Variants in RALY observed in about 807,000 individuals in gnomAD.
RALY encodes the protein RNA-binding protein Raly.
In RALY, 15 loss-of-function variants were observed where a neutral mutation model predicts 30.7. The observed-to-expected ratio is 0.49, with a 90% CI of 0.33 to 0.75. The LOEUF (loss-of-function observed/expected upper bound fraction) is 0.75. RALY is among the 30% of genes least tolerant of loss of function. The probability of loss-of-function intolerance (pLI) is 0.02; values close to 1 mark genes in which losing one functional copy is unlikely to be tolerated. For synonymous variants in RALY, 177 were observed against 170.8 expected (o/e 1.04, Z -0.28); for missense variants, 339 against 414.3 (o/e 0.82, Z 1.58).
intron 2 of RALY, among the ~76,000 whole-genome samples, chr20:34,044,984 C>G (rs1168260681): frequency 6.6e-6 from 1 of 152,000 alleles, no homozygotes; most frequent in Non-Finnish European, 1.5e-5. Context: ...ATGATCGTGG[C>G]TCACTGCAGC....
intron 8 of RALY, 38 bp from the exon 9 acceptor site, chr20:34,078,467 T>C: frequency 6.5e-7 from 1 of 1,529,946 alleles, no homozygotes; most frequent in Admixed American, 2.0e-5. Context: ...GAGCTGGCAA[T>C]GAGTGATGTG....
intron 5 of RALY, among the ~76,000 whole-genome samples, chr20:34,075,102 TGG>T (rs1294954390): frequency 6.6e-6 from 1 of 152,030 alleles, no homozygotes; most frequent in East Asian, 1.9e-4. Context: ...TGACTTTGGT[TGG>T]GGGCAGTGCA....
Position 34,052,110 on chromosome 20 carries a change from TTG to T in RALY, c.-9-19952_-9-19951del, listed in dbSNP as rs529819035. 2.8e-4 allele frequency among the ~76,000 whole-genome samples: 42 copies of T among 152,288 alleles called. No homozygotes were observed. The South Asian group carries it at 4.4e-3, about 16-fold the overall frequency. ...TCTGTCCCAGTGTGTCTTCCTCAAA[TTG>T]TGTCTTCCTCAGAAGAGATGTTAAT... On this transcript the variant is annotated intron_variant, in intron 2 of 9. Coordinates refer to ENST00000246194, the MANE Select transcript of RALY (RefSeq NM_016732.3).
intron 2 of RALY, chr20:34,033,354 C>T (rs73257755): frequency 2.4e-4 from 36 of 152,240 alleles, no homozygotes; most frequent in African/African-American, 7.9e-4. Context: ...TGTCTTAGCT[C>T]GTTTTATGTT....
chr20:34,074,449 A>C (rs1258503054), intron 5 of RALY, among the ~76,000 whole-genome samples: 1 of 152,012 alleles, frequency 6.6e-6, no homozygotes, highest in Admixed American at 6.6e-5. Flanking sequence ...TACTAACTCA[A>C]ATCTCTCCTC....
At chr20:34,063,088 T>G (rs2033462621) in intron 2 of RALY, among the ~76,000 whole-genome samples, 1 of 152,244 alleles carries the variant, frequency 6.6e-6, no homozygotes, top group African/African-American at 2.4e-5. Flanking sequence ...ATCCTACCTC[T>G]GTCATTTCCT....
chr20:34,051,659 G>C (rs2033082575), intron 2 of RALY, among the ~76,000 whole-genome samples: 1 of 152,070 alleles, frequency 6.6e-6, no homozygotes, highest in Non-Finnish European at 1.5e-5. Context: ...GCAGTGGCGT[G>C]ATCTCCGCTC....
chr20:34,021,610 A>ATT (rs749518973), intron 1 of RALY, among the ~76,000 whole-genome samples: 5 of 152,086 alleles, frequency 3.3e-5, no homozygotes, highest in Non-Finnish European at 5.9e-5. Flanking sequence ...TGCTTTGGGG[A>ATT]TTAAGTTTCC....
At chr20:34,064,178 G>A (rs1220605457) in intron 2 of RALY, among the ~76,000 whole-genome samples, 1 of 152,068 alleles carries the variant, frequency 6.6e-6, no homozygotes, top group Non-Finnish European at 1.5e-5. Context: ...CAGTATCGGG[G>A]ATTATAGGCA....
chr20:34,073,456 T>G (rs2033787548), intron 3 of RALY, 107 bp from the exon 4 acceptor site: 1 of 1,036,430 alleles, frequency 9.6e-7, no homozygotes, highest in South Asian at 1.3e-5. Context: ...GCAGAATCCA[T>G]GTGTATACCG....
intron 2 of RALY, among the ~76,000 whole-genome samples, chr20:34,063,993 G>GATAA (rs368983134): frequency 6.6e-5 from 10 of 151,972 alleles, no homozygotes; most frequent in East Asian, 5.8e-4. Context: ...CCAACCGCTG[G>GATAA]ATAAATAAAT....
chr20:34,079,747 T>C (rs967108130), intron 9 of RALY, among the ~76,000 whole-genome samples, 163 bp from the exon 10 acceptor site: 1 of 152,182 alleles, frequency 6.6e-6, no homozygotes, highest in Non-Finnish European at 1.5e-5. Context: ...GGGTGAGACT[T>C]GCCCAAGGTT....
chr20:34,060,675 C>G (rs2033390136), intron 2 of RALY, among the ~76,000 whole-genome samples: 1 of 152,186 alleles, frequency 6.6e-6, no homozygotes, highest in Non-Finnish European at 1.5e-5. Context: ...ATTCCATGTC[C>G]TGTCACACAG....
At chr20:34,033,046 C>T (rs1169941532) in intron 2 of RALY, 1 of 152,220 alleles carries the variant, frequency 6.6e-6, no homozygotes, top group Non-Finnish European at 1.5e-5. Flanking sequence ...AAGAATACGT[C>T]TGTAACACAT....
chr20:34,022,307 A>G (rs1246893162), intron 1 of RALY, among the ~76,000 whole-genome samples: 3 of 151,956 alleles, frequency 2.0e-5, no homozygotes, highest in Non-Finnish European at 4.4e-5. Context: ...CTAGTGGAAA[A>G]GACAGATACC....
At chr20:34,008,851 G>A (rs2031278097) in intron 1 of RALY, among the ~76,000 whole-genome samples, 1 of 152,138 alleles carries the variant, frequency 6.6e-6, no homozygotes, top group African/African-American at 2.4e-5. Context: ...GTAGAGATGA[G>A]TTATTACTTT....
intron 2 of RALY, among the ~76,000 whole-genome samples, chr20:34,062,518 G>C (rs1490193834): frequency 6.6e-6 from 1 of 152,212 alleles, no homozygotes; most frequent in African/African-American, 2.4e-5. Context: ...AAAATCAGAA[G>C]AACACTCTTA....
chr20:34,015,192 T>A (rs879511876), intron 1 of RALY: 1 of 152,154 alleles, frequency 6.6e-6, no homozygotes, highest in Non-Finnish European at 1.5e-5. Flanking sequence ...TCCCCCTTAT[T>A]CAGAATTTCT....
chr20:34,068,413 A>G (rs2033637782), intron 2 of RALY, among the ~76,000 whole-genome samples: 1 of 152,164 alleles, frequency 6.6e-6, no homozygotes, highest in African/African-American at 2.4e-5. Context: ...AGATTAGAAA[A>G]TGGTATCTGG....
Sources: gnomAD v4.1 joint callset for allele counts (sites outside exome capture counted in the v4.1 genomes callset) on GRCh38, gnomAD v4.1.1 for gene constraint, MANE v1.5 for transcripts, NCBI Gene and HGNC (gene_info 2026-07-23, HGNC 2026-07-21) for gene names.